ADCY2: variants seen among roughly 807,000 people sequenced by gnomAD.
ADCY2 encodes adenylate cyclase 2.
ADCY2 carries 31 observed loss-of-function variants against 125.2 expected under a neutral mutation model. The observed-to-expected ratio is 0.25, with a 90% CI of 0.19 to 0.33. The LOEUF is 0.33. Ranked by LOEUF, ADCY2 falls within the 10% of genes least tolerant of loss-of-function variation. ADCY2 has a pLI of 1.00. For missense variants in ADCY2, 904 were observed against 1,418.2 expected, an observed-to-expected ratio of 0.64 and a Z score of 5.82; for synonymous variants, 512 against 548.4, an observed-to-expected ratio of 0.93 and a Z score of 0.93.
At chr5:7,621,509 A>G (rs962729776) in intron 3 of ADCY2, among the ~76,000 whole-genome samples, 5 of 152,224 alleles carry the variant, frequency 3.3e-5, no homozygotes, top group African/African-American at 9.6e-5. Flanking sequence ...TAGAATATAC[A>G]GGGACAATCT....
chr5:7,707,960 T>A, intron 9 of ADCY2, 122 bp downstream of exon 9: 1 of 1,033,280 alleles, frequency 9.7e-7, no homozygotes. Flanking sequence ...CAAAATATTT[T>A]AAATGCATAT....
intron 20 of ADCY2, chr5:7,800,640 C>T: frequency 6.6e-6 from 1 of 152,152 alleles, no homozygotes; most frequent in Non-Finnish European, 1.5e-5. Context: ...CCAGCCTGGG[C>T]AATAGAGTGA....
intron 2 of ADCY2, among the ~76,000 whole-genome samples, chr5:7,443,588 C>A (rs550128612): frequency 1.6e-5 from 2 of 124,510 alleles, no homozygotes; most frequent in East Asian, 2.4e-4. Flanking sequence ...TGCAGTGAGC[C>A]GAGATCACGC....
At chr5:7,485,574 G>A (rs1038739409) in intron 2 of ADCY2, among the ~76,000 whole-genome samples, 2 of 152,042 alleles carry the variant, frequency 1.3e-5, no homozygotes, top group Non-Finnish European at 2.9e-5. Flanking sequence ...AAAGGATTTT[G>A]GTGATTTTTT....
At chr5:7,420,008 A>G (rs1316769267) in intron 2 of ADCY2, among the ~76,000 whole-genome samples, 1 of 152,166 alleles carries the variant, frequency 6.6e-6, no homozygotes, top group Non-Finnish European at 1.5e-5. Flanking sequence ...CTGCCTCCTG[A>G]GGCTGGCTCT....
chr5:7,752,365 A>T (rs1357236884), intron 15 of ADCY2, among the ~76,000 whole-genome samples: 1 of 152,226 alleles, frequency 6.6e-6, no homozygotes, highest in Non-Finnish European at 1.5e-5. Flanking sequence ...ACATGTTTAT[A>T]TGAAACATGA....
intron 2 of ADCY2, among the ~76,000 whole-genome samples, chr5:7,512,233 A>AAAG (rs752245795): frequency 0.11 from 15,222 of 143,816 alleles, 1,364 homozygotes; most frequent in African/African-American, 0.17. Flanking sequence ...AAAAAAAAAA[A>AAAG]AAAAAAAGAA....
intron 18 of ADCY2, 128 bp from the exon 19 acceptor site, chr5:7,784,237 G>C (rs1039682032): frequency 4.6e-6 from 3 of 655,520 alleles, no homozygotes; most frequent in African/African-American, 1.8e-5. Context: ...TTTGAAACTT[G>C]TGTTTGGCTG....
chr5:7,624,787 G>GA (rs1191835552), intron 3 of ADCY2, among the ~76,000 whole-genome samples: 1 of 152,132 alleles, frequency 6.6e-6, no homozygotes, highest in African/African-American at 2.4e-5. Context: ...GATTCTTAGG[G>GA]AGGAGCATAG....
intron 2 of ADCY2, among the ~76,000 whole-genome samples, chr5:7,486,350 G>A (rs571723470): frequency 1.7e-4 from 26 of 152,244 alleles, no homozygotes; most frequent in Non-Finnish European, 3.2e-4. Flanking sequence ...GTACATACAC[G>A]TATTTCTAGT....
chr5:7,592,027 A>G (rs1736862456), intron 3 of ADCY2, among the ~76,000 whole-genome samples: 1 of 152,204 alleles, frequency 6.6e-6, no homozygotes, highest in Admixed American at 6.5e-5. Flanking sequence ...TGTCACAAGT[A>G]TATTTATCCA....
rs1744020115 is a variant in ADCY2, at chr5:7,784,412, C to A, written c.2432C>A (p.Ser811Tyr). ...AAGACCATGGGCTCTGTGTCTCTCT[C>A]TATATTCTTCATCACACTGCTTGTT... ...DLKTMGSVSL[S>Y]IFFITLLVLG... is the part of the protein sequence containing the mutation. The change falls in exon 19 of 25, where the codon TCT becomes TAT. Residue 811 changes from serine (S) to tyrosine (Y), a missense_variant. Physicochemically the swap from Ser to Tyr is moderately radical, Grantham distance 144. Around this residue, in one of 7 missense-constraint regions of ADCY2, gnomAD observed 181 missense variants for 381.6 expected, o/e 0.47. Coordinates refer to ENST00000338316, the MANE Select transcript of ADCY2 (RefSeq NM_020546.3). 3 of 1,613,988 alleles carry A rather than the reference C, an allele frequency of 1.9e-6. No homozygotes were observed. The highest frequency in any genetic ancestry group is 2.5e-6 in the Non-Finnish European group (3 of 1,179,948).
chr5:7,490,674 CAT>C (rs1433458916), intron 2 of ADCY2, among the ~76,000 whole-genome samples: 1 of 151,982 alleles, frequency 6.6e-6, no homozygotes, highest in South Asian at 2.1e-4. Context: ...CACACACACA[CAT>C]GCATGCACAC....
At chr5:7,540,830 T>A (rs1231018989) in intron 3 of ADCY2, among the ~76,000 whole-genome samples, 1 of 152,110 alleles carries the variant, frequency 6.6e-6, no homozygotes. Flanking sequence ...ATTCTCTCAT[T>A]TGAATTTGGT....
At chr5:7,400,488 A>C (rs771900714) in intron 1 of ADCY2, among the ~76,000 whole-genome samples, 2 of 152,232 alleles carry the variant, frequency 1.3e-5, no homozygotes, top group Non-Finnish European at 2.9e-5. Flanking sequence ...TATTCTTCCA[A>C]AACAAATTAA....
intron 3 of ADCY2, among the ~76,000 whole-genome samples, chr5:7,542,000 A>C (rs1735011658): frequency 1.3e-5 from 2 of 152,150 alleles, no homozygotes; most frequent in South Asian, 4.1e-4. Flanking sequence ...ACTAGCATTT[A>C]CTTTTCCAAG....
intron 2 of ADCY2, among the ~76,000 whole-genome samples, chr5:7,509,613 A>T (rs1222454164): frequency 6.6e-6 from 1 of 152,234 alleles, no homozygotes; most frequent in East Asian, 1.9e-4. Flanking sequence ...CAGAAGAAGA[A>T]TGAAAGCTAC....
chr5:7,667,468 C>T (rs1481374259), intron 4 of ADCY2, among the ~76,000 whole-genome samples: 2 of 152,122 alleles, frequency 1.3e-5, no homozygotes, highest in Non-Finnish European at 2.9e-5. Flanking sequence ...AACTGTTTCT[C>T]AGTATTTAAG....
At chr5:7,807,476 G>T (rs142724105) in intron 22 of ADCY2, among the ~76,000 whole-genome samples, 78 of 152,280 alleles carry the variant, frequency 5.1e-4, no homozygotes, top group African/African-American at 1.9e-3. Context: ...CCCTGTCTGT[G>T]GATGGCCGTT....
Sources: gnomAD v4.1 joint callset for allele counts (sites outside exome capture counted in the v4.1 genomes callset) on GRCh38, gnomAD v4.1.1 for gene constraint, gnomAD v4.1.1 regional missense constraint, MANE v1.5 for transcripts, NCBI Gene and HGNC (gene_info 2026-07-23, HGNC 2026-07-21) for gene names.